NGF: variants seen among roughly 807,000 people sequenced by gnomAD.
The protein encoded by NGF is nerve growth factor.
A neutral mutation model predicts 12.8 loss-of-function variants in NGF; 4 were observed. That is an observed-to-expected ratio of 0.31 (90% CI 0.15 to 0.72). NGF has a LOEUF of 0.72. Ranked by LOEUF, NGF falls within the 30% of genes least tolerant of loss-of-function variation. The probability of loss-of-function intolerance (pLI) is 0.69; values close to 1 mark genes in which losing one functional copy is unlikely to be tolerated. For missense variants in NGF, 283 were observed against 330.8 expected (o/e 0.86, Z 1.12); for synonymous variants, 140 against 130.0 (o/e 1.08, Z -0.52).
chr1:115,328,147 G>C (rs1474717397), intron 1 of NGF, among the ~76,000 whole-genome samples: 2 of 130,802 alleles, frequency 1.5e-5, no homozygotes, highest in East Asian at 5.5e-4. Context: ...ATGGGGCCCA[G>C]TGGGAGGGCA....
intron 1 of NGF, among the ~76,000 whole-genome samples, chr1:115,315,549 A>G (rs2101043789): frequency 6.6e-6 from 1 of 152,268 alleles, no homozygotes; most frequent in South Asian, 2.1e-4. Flanking sequence ...CTGAAGGAGG[A>G]ACAGGATTGA....
chr1:115,322,524 C>T (rs573180500), intron 1 of NGF, among the ~76,000 whole-genome samples: 6 of 152,182 alleles, frequency 3.9e-5, no homozygotes, highest in South Asian at 4.2e-4. Flanking sequence ...TGCACTGTCC[C>T]CCCCTAAATT....
chr1:115,308,744 A>G (rs1654265871), intron 1 of NGF, among the ~76,000 whole-genome samples: 2 of 152,222 alleles, frequency 1.3e-5, no homozygotes, highest in Non-Finnish European at 2.9e-5. Flanking sequence ...AAAGGAAAGA[A>G]GGGAGGAAAG....
intron 1 of NGF, among the ~76,000 whole-genome samples, chr1:115,314,917 C>T (rs535112961): frequency 8.5e-5 from 13 of 152,206 alleles, no homozygotes; most frequent in African/African-American, 1.9e-4. Flanking sequence ...TAAGTTGAGG[C>T]GCTAGTTTGG....
At chr1:115,333,330 G>T (rs571802899) in intron 1 of NGF, among the ~76,000 whole-genome samples, 42 of 152,200 alleles carry the variant, frequency 2.8e-4, no homozygotes, top group African/African-American at 9.2e-4. Flanking sequence ...TGAAACTTGG[G>T]TGGTTCATTC....
In NGF at chr1:115,286,408, T is replaced by C. The variant is rs1421686319; in HGVS notation, c.388A>G (p.Arg130Gly). The change falls in exon 3 of 3, where the codon AGG becomes GGG. Residue 130 changes from arginine to glycine, a missense_variant. Physicochemically the swap from Arg to Gly is moderately radical, Grantham distance 125. Coordinates refer to ENST00000369512, the MANE Select transcript of NGF (RefSeq NM_002506.3). ...KRSSSHPIFH[R>G]GEFSVCDSVS... ...CTGTCACACACCGAGAATTCGCCCC[T>C]GTGGAAGATGGGATGGGATGATGAC... 3.1e-6 allele frequency: 5 copies of C among 1,612,648 alleles called. No individual in the cohort carries two copies. The highest frequency in any genetic ancestry group is 3.4e-6 in the Non-Finnish European group (4 of 1,179,682).
At chr1:115,314,374 T>C (rs2101042933) in intron 1 of NGF, among the ~76,000 whole-genome samples, 1 of 152,328 alleles carries the variant, frequency 6.6e-6, no homozygotes, top group East Asian at 1.9e-4. Flanking sequence ...AAAGCTCTAT[T>C]TGTGTGGCTA....
chr1:115,329,177 G>A (rs779783946), intron 1 of NGF, among the ~76,000 whole-genome samples: 20 of 152,194 alleles, frequency 1.3e-4, no homozygotes, highest in South Asian at 4.2e-4. Flanking sequence ...CAAGGGGAAG[G>A]CAGATGATGA....
At position 115,286,177 on chromosome 1, in the gene NGF, A is replaced by G; in HGVS notation, c.619T>C (p.Phe207Leu). ...WNSYCTTTHT[F>L]VKALTMDGKQ... ...CCATCCATGGTCAGCGCCTTGACAAAGGTGTGAGTCGTGGTACAATATGAG... is the reference window on the plus strand; with the variant it reads ...CCATCCATGGTCAGCGCCTTGACAAGGGTGTGAGTCGTGGTACAATATGAG... Residue 207 changes from phenylalanine to leucine, a missense_variant, in exon 3 of 3, where the codon TTT becomes CTT. Phe to Leu is a conservative substitution (Grantham distance 22, BLOSUM62 0). Around this residue, in one of 2 missense-constraint regions of NGF, gnomAD observed 132 missense variants for 189.2 expected, o/e 0.70. Transcript: ENST00000369512. 6.2e-7 allele frequency: 1 copy of G among 1,614,066 alleles called. No individual in the cohort carries two copies. Among genetic ancestry groups the G allele is most frequent in the Middle Eastern group, 1.7e-4 (1 of 6,056 alleles).
rs140387882 is a variant in NGF, at chr1:115,324,549, C to A, written c.-137+13655G>T. ...GCCCTGCTTCTCTCCTACTCACTTT[C>A]TTTCCTGATTCCTCTCTTCCATCAG... On this transcript the variant is annotated intron_variant, in intron 1 of 2. Transcript: ENST00000369512. 2.1e-3 allele frequency among the ~76,000 whole-genome samples: 315 copies of A among 152,280 alleles called. 1 individual carries two copies. Among genetic ancestry groups the A allele is most frequent in the African/African-American group, 7.4e-3 (308 of 41,560 alleles).
chr1:115,312,088 G>C (rs941271088), intron 1 of NGF, among the ~76,000 whole-genome samples: 2 of 152,206 alleles, frequency 1.3e-5, no homozygotes, highest in African/African-American at 4.8e-5. Flanking sequence ...TCTATAAGTA[G>C]AGAGTAAATT....
At chr1:115,302,906 C>T (rs963737328) in intron 1 of NGF, among the ~76,000 whole-genome samples, 10 of 152,182 alleles carry the variant, frequency 6.6e-5, no homozygotes, top group African/African-American at 2.4e-4. Flanking sequence ...ATGCTTTTCC[C>T]CTTTGTCATC....
intron 2 of NGF, among the ~76,000 whole-genome samples, chr1:115,290,608 A>G (rs1318360608): frequency 6.6e-6 from 1 of 151,816 alleles, no homozygotes; most frequent in African/African-American, 2.4e-5. Flanking sequence ...GTTGGCCAGG[A>G]TGGTCTTGAT....
intron 1 of NGF, among the ~76,000 whole-genome samples, chr1:115,297,512 C>G (rs1653908178): frequency 6.6e-6 from 1 of 152,114 alleles, no homozygotes; most frequent in Admixed American, 6.5e-5. Context: ...TTTAAGACCC[C>G]TGAGGTTAAT....
chr1:115,332,367 T>C (rs1267117780), intron 1 of NGF, among the ~76,000 whole-genome samples: 3 of 152,232 alleles, frequency 2.0e-5, no homozygotes, highest in East Asian at 3.8e-4. Context: ...AAAATGAGAA[T>C]GTTAACTACA....
At chr1:115,288,179 G>A (rs531755752) in intron 2 of NGF, among the ~76,000 whole-genome samples, 5 of 152,238 alleles carry the variant, frequency 3.3e-5, no homozygotes, top group Admixed American at 6.5e-5. Context: ...TCAGAATAGC[G>A]TAATTGTATG....
chr1:115,298,754 T>C (rs1653948902), intron 1 of NGF, among the ~76,000 whole-genome samples: 1 of 152,004 alleles, frequency 6.6e-6, no homozygotes. Flanking sequence ...CAACCCACTA[T>C]TTGGTAATAG....
chr1:115,313,972 A>G (rs1654403490), intron 1 of NGF, among the ~76,000 whole-genome samples: 1 of 152,186 alleles, frequency 6.6e-6, no homozygotes, highest in African/African-American at 2.4e-5. Flanking sequence ...AGAGCCAGTT[A>G]TTAAAAAGAC....
intron 1 of NGF, among the ~76,000 whole-genome samples, chr1:115,296,238 G>C (rs183363587): frequency 1.8e-4 from 28 of 152,204 alleles, no homozygotes; most frequent in Admixed American, 1.4e-3. Context: ...AGTATAGAAT[G>C]GGCCTTACAC....
Sources: gnomAD v4.1 joint callset for allele counts (sites outside exome capture counted in the v4.1 genomes callset) on GRCh38, gnomAD v4.1.1 for gene constraint, gnomAD v4.1.1 regional missense constraint, MANE v1.5 for transcripts, NCBI Gene and HGNC (gene_info 2026-07-23, HGNC 2026-07-21) for gene names.